The following LSAMP variants were observed in gnomAD, a reference collection of about 807,000 sequenced individuals.
The protein encoded by LSAMP is limbic system associated membrane protein.
In LSAMP, 7 loss-of-function variants were observed where a neutral mutation model predicts 38.6. The ratio of observed to expected loss-of-function variants is 0.18; its 90% confidence interval spans 0.10 to 0.34. LSAMP has a LOEUF of 0.34. LSAMP is among the 10% of genes least tolerant of loss of function. The probability of loss-of-function intolerance (pLI) is 1.00; values close to 1 mark genes in which losing one functional copy is unlikely to be tolerated. For synonymous variants in LSAMP, 154 were observed against 166.8 expected (o/e 0.92, Z 0.59); for missense variants, 313 against 420.0 (o/e 0.75, Z 2.23).
At chr3:115,895,768 G>A (rs180803655) in intron 3 of LSAMP, among the ~76,000 whole-genome samples, 5 of 152,150 alleles carry the variant, frequency 3.3e-5, no homozygotes, top group Admixed American at 2.6e-4. Flanking sequence ...CCTTGGAAAT[G>A]ATTTATTCTG....
chr3:116,310,145 G>A lies in LSAMP; in HGVS notation c.155+134732C>T, dbSNP rs115221256. ...TATTTATTTTAACCCTTCTGATAAG[G>A]AAGGAACTCAATCTATCTGGGAACA... On this transcript the variant is annotated intron_variant, in intron 1 of 6. Coordinates refer to ENST00000490035, the MANE Select transcript of LSAMP (RefSeq NM_002338.5). 6.5e-3 allele frequency among the ~76,000 whole-genome samples: 988 copies of A among 152,052 alleles called. 11 individuals are homozygous for A. The highest frequency in any genetic ancestry group is 0.022 in the African/African-American group (895 of 41,348).
rs943305598 is a variant in LSAMP, at chr3:116,347,731, A to G, written c.155+97146T>C. On this transcript the variant is annotated intron_variant, in intron 1 of 6. Transcript: ENST00000490035. ...ATGGCTCATGGTGTATCCACACTAG[A>G]ACTCACGAAGCCCACAGCCAACTTC... Among the ~76,000 whole-genome samples the G allele has an allele frequency of 4.6e-5, 7 of 152,150 alleles. 1 individual carries two copies. The highest frequency in any genetic ancestry group is 2.6e-4 in the Admixed American group (4 of 15,256).
At chr3:115,894,726 C>A (rs927869157) in intron 3 of LSAMP, among the ~76,000 whole-genome samples, 2 of 152,012 alleles carry the variant, frequency 1.3e-5, no homozygotes, top group Admixed American at 6.6e-5. Context: ...ATGAAACTGA[C>A]ACGCAGGAAA....
At chr3:115,815,129 A>G (rs377542335) in intron 6 of LSAMP, among the ~76,000 whole-genome samples, 7 of 152,214 alleles carry the variant, frequency 4.6e-5, no homozygotes, top group African/African-American at 1.7e-4. Flanking sequence ...ATACAGTACA[A>G]TAAGATGTTC....
intron 1 of LSAMP, among the ~76,000 whole-genome samples, chr3:116,137,375 A>C: frequency 6.6e-6 from 1 of 152,092 alleles, no homozygotes; most frequent in East Asian, 1.9e-4. Context: ...CAAACTTCCA[A>C]TGTAATTAAC....
intron 1 of LSAMP, among the ~76,000 whole-genome samples, chr3:116,236,691 C>A (rs1254583419): frequency 6.6e-6 from 1 of 152,000 alleles, no homozygotes; most frequent in Non-Finnish European, 1.5e-5. Context: ...TTAGTTAACA[C>A]CTTTGGGCCC....
At chr3:116,081,790 C>T (rs977507953) in intron 2 of LSAMP, among the ~76,000 whole-genome samples, 3 of 151,914 alleles carry the variant, frequency 2.0e-5, no homozygotes, top group South Asian at 2.1e-4. Flanking sequence ...CTATTTAGTA[C>T]GATAGTGAAA....
intron 1 of LSAMP, among the ~76,000 whole-genome samples, chr3:116,096,042 CTA>C (rs1029456486): frequency 6.2e-4 from 94 of 152,176 alleles, no homozygotes; most frequent in African/African-American, 2.2e-3. Context: ...GTTTCCTAAG[CTA>C]TAAAACGAAG....
chr3:116,060,695 G>T (rs1309772523), intron 2 of LSAMP, among the ~76,000 whole-genome samples: 1 of 152,152 alleles, frequency 6.6e-6, no homozygotes, highest in African/African-American at 2.4e-5. Flanking sequence ...GGGAGGCAGA[G>T]GTTGCAGTGA....
chr3:115,827,500 T>A (rs1321877820), intron 6 of LSAMP, among the ~76,000 whole-genome samples: 2 of 152,156 alleles, frequency 1.3e-5, no homozygotes, highest in Non-Finnish European at 2.9e-5. Flanking sequence ...TAGAATGAAC[T>A]ATTAGCTGTG....
At chr3:115,988,336 T>C (rs1939572557) in intron 3 of LSAMP, among the ~76,000 whole-genome samples, 1 of 152,176 alleles carries the variant, frequency 6.6e-6, no homozygotes, top group Non-Finnish European at 1.5e-5. Flanking sequence ...GAAGCAAGCA[T>C]GCCTAAAAGA....
rs78653125 is a variant in LSAMP, at chr3:115,931,567, C to T, written c.515-78950G>A. Among the ~76,000 whole-genome samples, 132 of 152,268 alleles carry T rather than the reference C, an allele frequency of 8.7e-4. 1 individual carries two copies. The highest frequency in any genetic ancestry group is 6.8e-3 in the Middle Eastern group (2 of 294). On this transcript the variant is annotated intron_variant, in intron 3 of 6. Coordinates refer to ENST00000490035, the MANE Select transcript of LSAMP (RefSeq NM_002338.5). ...GTCCTGTTTAGAGCGTGTCTCCACC[C>T]CCATCATGTCTCTTCTTTCTCCTTG...
At chr3:116,180,637 TTGA>T (rs1447138673) in intron 1 of LSAMP, among the ~76,000 whole-genome samples, 1 of 152,114 alleles carries the variant, frequency 6.6e-6, no homozygotes, top group African/African-American at 2.4e-5. Context: ...ATGCCTGTAT[TTGA>T]TGACCAATAG....
intron 3 of LSAMP, among the ~76,000 whole-genome samples, chr3:115,984,745 C>T (rs1241306097): frequency 1.3e-5 from 2 of 152,148 alleles, no homozygotes. Context: ...GTGCAGTAGA[C>T]ATAATTCATT....
chr3:116,327,664 T>G (rs889840371), intron 1 of LSAMP, among the ~76,000 whole-genome samples: 1 of 152,210 alleles, frequency 6.6e-6, no homozygotes, highest in Admixed American at 6.5e-5. Context: ...CACTGAATTT[T>G]AGATCCATTC....
intron 1 of LSAMP, among the ~76,000 whole-genome samples, chr3:116,320,140 C>T (rs572076486): frequency 7.0e-4 from 107 of 152,218 alleles, no homozygotes; most frequent in African/African-American, 2.4e-3. Context: ...TGAGGCAGGA[C>T]GTGGTGGCTC....
chr3:116,376,323 T>A (rs899228771), intron 1 of LSAMP, among the ~76,000 whole-genome samples: 6 of 152,032 alleles, frequency 3.9e-5, no homozygotes, highest in African/African-American at 1.4e-4. Flanking sequence ...TTATTTTGGA[T>A]AAAAAATGTG....
At chr3:116,016,305 A>T (rs944617425) in intron 3 of LSAMP, among the ~76,000 whole-genome samples, 1 of 152,192 alleles carries the variant, frequency 6.6e-6, no homozygotes, top group African/African-American at 2.4e-5. Context: ...TTTAGGTCAC[A>T]TGTGAAAGAA....
intron 3 of LSAMP, among the ~76,000 whole-genome samples, chr3:115,932,290 T>G (rs1215017562): frequency 6.6e-6 from 1 of 152,240 alleles, no homozygotes; most frequent in Non-Finnish European, 1.5e-5. Context: ...TTTGGACTTT[T>G]GTCTTCTGAC....
Sources: allele counts gnomAD v4.1 joint callset (sites outside exome capture counted in the v4.1 genomes callset), GRCh38; gene constraint gnomAD v4.1.1; transcripts MANE v1.5; gene names NCBI Gene and HGNC (gene_info 2026-07-23, HGNC 2026-07-21).